Variants in PHKB observed in about 807,000 individuals in gnomAD.
PHKB encodes phosphorylase kinase regulatory subunit beta.
In PHKB, 122 loss-of-function variants were observed where a neutral mutation model predicts 152.1. The ratio of observed to expected loss-of-function variants is 0.80; its 90% CI spans 0.69 to 0.93. The LOEUF is 0.93. Among genes scored for constraint, PHKB ranks in the 40% least tolerant of loss-of-function variants. The pLI is 0.00. For missense variants in PHKB, 1,304 were observed against 1,328.4 expected (o/e 0.98, Z 0.29); for synonymous variants, 436 against 464.9 (o/e 0.94, Z 0.80).
chr16:47,541,775 C>A (rs1597069108), intron 6 of PHKB, among the ~76,000 whole-genome samples: 1 of 151,968 alleles, frequency 6.6e-6, no homozygotes, highest in Admixed American at 6.6e-5. Context: ...TTTCATGTGT[C>A]TGTTGGCTGC....
intron 4 of PHKB, among the ~76,000 whole-genome samples, chr16:47,509,391 T>A (rs577587987): frequency 6.6e-6 from 1 of 152,170 alleles, no homozygotes; most frequent in Non-Finnish European, 1.5e-5. Context: ...GTTCAGACTT[T>A]TATTTTGCTG....
intron 14 of PHKB, among the ~76,000 whole-genome samples, chr16:47,640,741 G>A (rs1973003769): frequency 6.6e-6 from 1 of 151,874 alleles, no homozygotes; most frequent in Admixed American, 6.6e-5. Context: ...ATGACTCTCG[G>A]TCCCCAAACT....
At chr16:47,645,005 A>G (rs966331374) in intron 16 of PHKB, among the ~76,000 whole-genome samples, 8 of 152,270 alleles carry the variant, frequency 5.3e-5, no homozygotes, top group Non-Finnish European at 1.2e-4. Flanking sequence ...TTAAGGGGCA[A>G]TACTCTTAAT....
chr16:47,685,119 A>G (rs755533112), intron 26 of PHKB, among the ~76,000 whole-genome samples: 40 of 150,910 alleles, frequency 2.7e-4, no homozygotes, highest in Admixed American at 6.6e-4. Context: ...TCCTTTCCCT[A>G]TTTTGTATTT....
In PHKB at chr16:47,669,424, G is replaced by A; in HGVS notation, c.2630+7G>A. On this transcript the variant is annotated splice_region_variant and intron_variant, in intron 26 of 30. Coordinates refer to ENST00000323584, the MANE Select transcript of PHKB (RefSeq NM_000293.3). ...TGCTGAAAATACGAATCGGGTGAGT[G>A]AAGTCCTTTGCATTTGCATAAAGAG... is the stretch of plus-strand genomic sequence containing the variant. 1 of 1,612,740 alleles carries A rather than the reference G, an allele frequency of 6.2e-7. No individual in the cohort carries two copies. The highest frequency in any genetic ancestry group is 1.1e-5 in the South Asian group (1 of 91,052).
intron 1 of PHKB, among the ~76,000 whole-genome samples, chr16:47,484,424 G>T (rs1401258127): frequency 6.6e-6 from 1 of 152,096 alleles, no homozygotes. Flanking sequence ...TAAATCTTGA[G>T]GGTTCAAATG....
At chr16:47,687,421 G>C (rs1405667432) in intron 26 of PHKB, among the ~76,000 whole-genome samples, 1 of 152,172 alleles carries the variant, frequency 6.6e-6, no homozygotes, top group African/African-American at 2.4e-5. Context: ...GAATGAGGAC[G>C]ATGTAAAGAA....
intron 4 of PHKB, among the ~76,000 whole-genome samples, chr16:47,510,460 T>C (rs1270665077): frequency 6.6e-6 from 1 of 152,156 alleles, no homozygotes; most frequent in African/African-American, 2.4e-5. Flanking sequence ...GAAAGGGACT[T>C]ATATGAACAA....
At chr16:47,668,157 A>T (rs115056344) in intron 25 of PHKB, among the ~76,000 whole-genome samples, 43 of 152,326 alleles carry the variant, frequency 2.8e-4, no homozygotes, top group African/African-American at 1.0e-3. Flanking sequence ...GCACATTCGG[A>T]TCACCTCAAG....
At chr16:47,502,957 C>A in intron 3 of PHKB, 34 bp from the exon 4 acceptor site, 3 of 1,351,164 alleles carry the variant, frequency 2.2e-6, no homozygotes, top group Non-Finnish European at 3.2e-6. Context: ...AAATGCATTT[C>A]CAATTAGTTT....
intron 6 of PHKB, among the ~76,000 whole-genome samples, chr16:47,520,516 G>C (rs1311915406): frequency 6.6e-6 from 1 of 152,164 alleles, no homozygotes; most frequent in Non-Finnish European, 1.5e-5. Flanking sequence ...TTTCTATGCT[G>C]ACAGTGAGTG....
At chr16:47,683,790 C>T (rs1293187173) in intron 26 of PHKB, among the ~76,000 whole-genome samples, 1 of 152,130 alleles carries the variant, frequency 6.6e-6, no homozygotes, top group African/African-American at 2.4e-5. Context: ...CTGTTTGGCA[C>T]TCCCTAGGGA....
chr16:47,612,000 T>A (rs1972437267), intron 14 of PHKB, among the ~76,000 whole-genome samples: 1 of 152,240 alleles, frequency 6.6e-6, no homozygotes, highest in Admixed American at 6.5e-5. Flanking sequence ...TCTCAGCACT[T>A]GGCGACGTGT....
At chr16:47,606,640 C>T (rs770779215) in intron 13 of PHKB, among the ~76,000 whole-genome samples, 1 of 152,116 alleles carries the variant, frequency 6.6e-6, no homozygotes, top group Non-Finnish European at 1.5e-5. Context: ...GGAAAATACG[C>T]TCACTGTAAA....
rs1386989893 is a variant in PHKB at position 47,700,519 on chromosome 16, C to T, written c.*1153C>T. On this transcript the variant is annotated 3_prime_UTR_variant, in exon 31 of 31. Coordinates refer to ENST00000323584, the MANE Select transcript of PHKB (RefSeq NM_000293.3). ...TTCACAAGATTGAGCTTCAAACTCC[C>T]GAGTGTTTTCATTTAATTGATTTAG... 2.0e-5 allele frequency: 3 copies of T among 151,878 alleles called. No individual in the cohort carries two copies. The highest frequency in any genetic ancestry group is 4.4e-5 in the Non-Finnish European group (3 of 67,962). 9.4% of individuals were successfully genotyped at this position (151,878 alleles called of 1,614,324 possible).
At chr16:47,677,038 TAGAG>T (rs1454634958) in intron 26 of PHKB, among the ~76,000 whole-genome samples, 9 of 152,348 alleles carry the variant, frequency 5.9e-5, no homozygotes, top group African/African-American at 1.9e-4. Flanking sequence ...ATCCGAAGCT[TAGAG>T]AGAGCCATTG....
At chr16:47,563,639 ACTTT>A (rs1246909423) in intron 7 of PHKB, among the ~76,000 whole-genome samples, 3 of 152,026 alleles carry the variant, frequency 2.0e-5, no homozygotes, top group Non-Finnish European at 4.4e-5. Flanking sequence ...TTTGAACCCT[ACTTT>A]CTTTTTTTCT....
chr16:47,669,149 A>AT (rs66531746), intron 25 of PHKB, 66 bp from the exon 26 acceptor site: 511 of 1,271,238 alleles, frequency 4.0e-4, no homozygotes, highest in African/African-American at 1.9e-3. Context: ...CTGAGCCTTG[A>AT]TTTTTTTTTA....
intron 1 of PHKB, among the ~76,000 whole-genome samples, chr16:47,486,347 G>A (rs1212680053): frequency 6.6e-6 from 1 of 152,084 alleles, no homozygotes; most frequent in African/African-American, 2.4e-5. Context: ...TTGTCCTTTC[G>A]CTAGTTTGTA....
Sources: gnomAD v4.1 joint callset for allele counts (sites outside exome capture counted in the v4.1 genomes callset) on GRCh38, gnomAD v4.1.1 for gene constraint, MANE v1.5 for transcripts, NCBI Gene and HGNC (gene_info 2026-07-23, HGNC 2026-07-21) for gene names.